Variants in TWIST2 observed in about 807,000 individuals in gnomAD.
The protein encoded by TWIST2 is twist-related protein 2.
Under a neutral mutation model 11.6 loss-of-function variants are expected in TWIST2, and 1 was observed. The observed-to-expected ratio is 0.09, with a 90% CI of 0.03 to 0.41. TWIST2 has a LOEUF of 0.41. Among genes scored for constraint, TWIST2 ranks in the 10% least tolerant of loss-of-function variants. The pLI is 0.98. For missense variants in TWIST2, 168 were observed against 226.4 expected (o/e 0.74, Z 1.66); for synonymous variants, 87 against 96.6 (o/e 0.90, Z 0.58).
chr2:238,848,233 C>A lies in TWIST2; in HGVS notation c.18C>A (p.Ser6Arg). 6.8e-7 allele frequency: 1 copy of A among 1,460,290 alleles called. No individual in the cohort carries two copies. Among genetic ancestry groups the A allele is most frequent in the South Asian group, 1.3e-5 (1 of 75,254 alleles). 90.5% of individuals were successfully genotyped at this position (1,460,290 alleles called of 1,614,324 possible). A position where few individuals can be genotyped will look rare whatever the true frequency, so the allele number is the denominator to read the frequency against. The change falls in exon 1 of 2, where the codon AGC (serine) becomes AGA (arginine). Residue 6 changes from serine (S) to arginine (R), a missense_variant. Physicochemically the swap from Ser to Arg is moderately radical, Grantham distance 110. This residue lies in a region of TWIST2 where 83 missense variants were observed against 92.7 expected (regional missense o/e 0.90). Coordinates refer to ENST00000612363, the MANE Select transcript of TWIST2 (RefSeq NM_001271893.4). The stretch of plus-strand genomic sequence containing the variant: ...CGGGCGCCATGGAGGAGGGCTCCAG[C>A]TCGCCCGTGTCCCCCGTGGACAGCC... MEEGS[S>R]SPVSPVDSLG...
At chr2:238,868,207 G>A (rs1284388742) in intron 1 of TWIST2, among the ~76,000 whole-genome samples, 4 of 152,138 alleles carry the variant, frequency 2.6e-5, no homozygotes, top group South Asian at 2.1e-4. Context: ...GGCTCCCAGG[G>A]GCTCTGCTGA....
chr2:238,885,209 C>T (rs1417753627), intron 1 of TWIST2, among the ~76,000 whole-genome samples: 1 of 152,122 alleles, frequency 6.6e-6, no homozygotes, highest in African/African-American at 2.4e-5. Flanking sequence ...AACCCTGATT[C>T]CCGCCCTGCC....
intron 1 of TWIST2, among the ~76,000 whole-genome samples, chr2:238,894,327 T>C (rs920548597): frequency 1.3e-5 from 2 of 151,962 alleles, no homozygotes; most frequent in Admixed American, 6.6e-5. Context: ...TCCTCCTCTC[T>C]AGATCTGAGT....
intron 1 of TWIST2, among the ~76,000 whole-genome samples, 159 bp downstream of exon 1, chr2:238,848,892 C>A (rs1035021539): frequency 4.6e-5 from 7 of 152,158 alleles, no homozygotes; most frequent in African/African-American, 1.7e-4. Context: ...GGCGGGCGGG[C>A]GGGACGCTCA....
intron 1 of TWIST2, among the ~76,000 whole-genome samples, chr2:238,877,727 A>G (rs2106362956): frequency 6.6e-6 from 1 of 152,362 alleles, no homozygotes; most frequent in East Asian, 1.9e-4. Context: ...GTTTGGAAAT[A>G]CATACTACTG....
chr2:238,892,604 C>T (rs189541484), intron 1 of TWIST2, among the ~76,000 whole-genome samples: 1 of 151,978 alleles, frequency 6.6e-6, no homozygotes, highest in Admixed American at 6.6e-5. Context: ...CCTCAGCCCC[C>T]CGAGTAGCTG....
intron 1 of TWIST2, among the ~76,000 whole-genome samples, chr2:238,884,549 G>A (rs1346303187): frequency 2.0e-5 from 3 of 152,240 alleles, no homozygotes; most frequent in Admixed American, 2.0e-4. Context: ...GCACGTTCAA[G>A]GGTGTGGTTG....
rs917884657 is a variant in TWIST2, at chr2:238,899,433, C to T, written c.*36-10409C>T. On this transcript the variant is annotated intron_variant, in intron 1 of 1. Coordinates refer to ENST00000612363, the MANE Select transcript of TWIST2 (RefSeq NM_001271893.4). ...GAGCCCTCACAGCACTGATGCAGCA[C>T]GCCCTATTGTTACCCTCACTTGGGT... 1.5e-3 allele frequency among the ~76,000 whole-genome samples: 221 copies of T among 152,336 alleles called. 2 individuals carry two copies. The highest frequency in any genetic ancestry group is 5.2e-3 in the African/African-American group (215 of 41,578).
chr2:238,908,721 T>G (rs1693398008), intron 1 of TWIST2, among the ~76,000 whole-genome samples: 1 of 98,690 alleles, frequency 1.0e-5, no homozygotes, highest in South Asian at 3.5e-4. Context: ...CTGTGCAGTG[T>G]GTGTGTGGGT....
At chr2:238,880,046 TGTGA>T (rs991260254) in intron 1 of TWIST2, among the ~76,000 whole-genome samples, 50 of 152,346 alleles carry the variant, frequency 3.3e-4, no homozygotes, top group African/African-American at 1.2e-3. Flanking sequence ...CGTTATTTAG[TGTGA>T]GTGTTAGTGT....
At chr2:238,854,690 C>T (rs1326927358) in intron 1 of TWIST2, among the ~76,000 whole-genome samples, 1 of 152,172 alleles carries the variant, frequency 6.6e-6, no homozygotes, top group African/African-American at 2.4e-5. Context: ...TCTGTTAAAT[C>T]TCTGTAAGTA....
chr2:238,889,411 C>T (rs1428949530), intron 1 of TWIST2, among the ~76,000 whole-genome samples: 1 of 152,010 alleles, frequency 6.6e-6, no homozygotes, highest in Admixed American at 6.5e-5. Flanking sequence ...ACCATATGTA[C>T]ATAAACTGTA....
At position 238,910,477 on chromosome 2, in the gene TWIST2, A is replaced by G. The variant is rs1472493115; in HGVS notation, c.*671A>G. 7 of 152,170 alleles carry G rather than the reference A, an allele frequency of 4.6e-5. No individual in the cohort carries two copies. Among genetic ancestry groups the G allele is most frequent in the Non-Finnish European group, 7.3e-5 (5 of 68,040 alleles). 9.4% of individuals were successfully genotyped at this position (152,170 alleles called of 1,614,324 possible). ...TTGAGATATTTTTACAAGCTAAGTG[A>G]CTGCAGTGTGGCTGTGTATCCTGCT... On this transcript the variant is annotated 3_prime_UTR_variant, in exon 2 of 2. Transcript: ENST00000612363.
At chr2:238,880,810 T>G (rs1206071637) in intron 1 of TWIST2, among the ~76,000 whole-genome samples, 1 of 125,500 alleles carries the variant, frequency 8.0e-6, no homozygotes, top group Non-Finnish European at 1.7e-5. Context: ...TATTTATTAG[T>G]ATTAGTGTTA....
chr2:238,904,315 GGTGT>G (rs1200229202), intron 1 of TWIST2, among the ~76,000 whole-genome samples: 3 of 142,246 alleles, frequency 2.1e-5, no homozygotes, highest in Non-Finnish European at 4.6e-5. Flanking sequence ...TCTAATGTGA[GGTGT>G]GTGTGTGTGA....
At chr2:238,906,557 AC>A (rs1430209871) in intron 1 of TWIST2, among the ~76,000 whole-genome samples, 5 of 152,150 alleles carry the variant, frequency 3.3e-5, no homozygotes, top group African/African-American at 1.2e-4. Context: ...TACACGATAC[AC>A]ATGCTCACAC....
chr2:238,899,159 G>A (rs1219768238), intron 1 of TWIST2, among the ~76,000 whole-genome samples: 1 of 152,228 alleles, frequency 6.6e-6, no homozygotes, highest in African/African-American at 2.4e-5. Context: ...CTGGCCACGG[G>A]AGCCACCTGC....
chr2:238,868,724 C>T (rs1007729491), intron 1 of TWIST2, among the ~76,000 whole-genome samples: 3 of 152,234 alleles, frequency 2.0e-5, no homozygotes, highest in Non-Finnish European at 4.4e-5. Context: ...CTGTTGCCCA[C>T]ACACTCGGGC....
At chr2:238,856,430 A>C (rs948929216) in intron 1 of TWIST2, among the ~76,000 whole-genome samples, 1 of 152,186 alleles carries the variant, frequency 6.6e-6, no homozygotes, top group African/African-American at 2.4e-5. Flanking sequence ...TTCACAAGTG[A>C]ATAATATCAT....
Sources: allele counts gnomAD v4.1 joint callset (sites outside exome capture counted in the v4.1 genomes callset), GRCh38; gene constraint gnomAD v4.1.1; regional missense constraint gnomAD v4.1.1; transcripts MANE v1.5; gene names NCBI Gene and HGNC (gene_info 2026-07-23, HGNC 2026-07-21).